Variants in GPC5 observed in about 807,000 individuals in gnomAD.
GPC5 encodes glypican-5.
A neutral mutation model predicts 53.9 loss-of-function variants in GPC5; 47 were observed. That is an observed-to-expected ratio of 0.87 (90% CI 0.69 to 1.11). The LOEUF (loss-of-function observed/expected upper bound fraction) is 1.11. GPC5 is among the 50% of genes most tolerant of loss of function. GPC5 has a pLI of 0.00. For synonymous variants in GPC5, 286 were observed against 263.3 expected (o/e 1.09, Z -0.84); for missense variants, 748 against 713.1 (o/e 1.05, Z -0.56).
At chr13:92,806,122 T>C (rs1245130263) in intron 7 of GPC5, among the ~76,000 whole-genome samples, 1 of 152,134 alleles carries the variant, frequency 6.6e-6, no homozygotes, top group Admixed American at 6.6e-5. Flanking sequence ...AAAAATAGCT[T>C]GATCTTCTAG....
At chr13:91,923,376 C>G (rs1445654187) in intron 6 of GPC5, among the ~76,000 whole-genome samples, 1 of 152,108 alleles carries the variant, frequency 6.6e-6, no homozygotes, top group Non-Finnish European at 1.5e-5. Flanking sequence ...AACCAGATGG[C>G]CCCCTATAGT....
At chr13:92,263,900 C>G (rs1414045232) in intron 7 of GPC5, among the ~76,000 whole-genome samples, 1 of 152,052 alleles carries the variant, frequency 6.6e-6, no homozygotes, top group East Asian at 1.9e-4. Flanking sequence ...TTAGGAATTG[C>G]TGCGATAATT....
intron 2 of GPC5, among the ~76,000 whole-genome samples, chr13:91,480,204 G>A (rs760977960): frequency 4.6e-5 from 7 of 152,194 alleles, no homozygotes; most frequent in Admixed American, 3.9e-4. Context: ...GCTGTAAAAT[G>A]TATGTTGTAT....
intron 7 of GPC5, among the ~76,000 whole-genome samples, chr13:92,828,276 T>C (rs570113824): frequency 1.3e-5 from 2 of 152,208 alleles, no homozygotes; most frequent in Admixed American, 1.3e-4. Flanking sequence ...CATGGTGGTG[T>C]GCCTTAAACA....
intron 7 of GPC5, among the ~76,000 whole-genome samples, chr13:92,795,067 G>A (rs1053138790): frequency 3.3e-5 from 5 of 151,964 alleles, no homozygotes; most frequent in Non-Finnish European, 7.4e-5. Context: ...AAAAGAGCCC[G>A]CATAGCCAAG....
chr13:92,750,728 A>C (rs1238692395), intron 7 of GPC5, among the ~76,000 whole-genome samples: 3 of 152,194 alleles, frequency 2.0e-5, no homozygotes, highest in Non-Finnish European at 4.4e-5. Context: ...TTAATTCTTA[A>C]ATTCAGTTCA....
chr13:92,585,018 G>T (rs948557661), intron 7 of GPC5, among the ~76,000 whole-genome samples: 1 of 152,112 alleles, frequency 6.6e-6, no homozygotes, highest in Non-Finnish European at 1.5e-5. Context: ...TGGTGGAGGG[G>T]GTAAGGGGGG....
intron 6 of GPC5, among the ~76,000 whole-genome samples, chr13:91,969,854 C>T (rs2040224277): frequency 6.6e-6 from 1 of 151,648 alleles, no homozygotes; most frequent in Non-Finnish European, 1.5e-5. Flanking sequence ...TACAAAAAAA[C>T]AAAAAAAGGA....
At chr13:91,736,404 G>A (rs528047165) in intron 4 of GPC5, among the ~76,000 whole-genome samples, 21 of 151,036 alleles carry the variant, frequency 1.4e-4, no homozygotes, top group African/African-American at 2.7e-4. Context: ...CAAAATTTTC[G>A]TGAAAGCTAA....
intron 7 of GPC5, among the ~76,000 whole-genome samples, chr13:92,586,698 T>TTTCC (rs1177271845): frequency 9.6e-4 from 146 of 152,254 alleles, no homozygotes; most frequent in Middle Eastern, 3.4e-3. Flanking sequence ...TGGTTGTGAA[T>TTTCC]ATGACACAGT....
At chr13:92,704,936 T>G (rs1173458754) in intron 7 of GPC5, among the ~76,000 whole-genome samples, 1 of 141,434 alleles carries the variant, frequency 7.1e-6, no homozygotes, top group Admixed American at 7.5e-5. Flanking sequence ...TATATATACT[T>G]GAATACATGT....
intron 6 of GPC5, among the ~76,000 whole-genome samples, chr13:91,977,257 T>A (rs1265360861): frequency 6.6e-6 from 1 of 152,172 alleles, no homozygotes; most frequent in Non-Finnish European, 1.5e-5. Flanking sequence ...CTATATATTG[T>A]ACTATTTTCT....
At chr13:91,892,620 A>G (rs1042964950) in intron 5 of GPC5, among the ~76,000 whole-genome samples, 5 of 151,750 alleles carry the variant, frequency 3.3e-5, no homozygotes, top group South Asian at 2.1e-4. Context: ...TATTTTGTAG[A>G]TAAAAATTAT....
At chr13:91,612,326 T>C (rs2033577132) in intron 2 of GPC5, among the ~76,000 whole-genome samples, 1 of 152,180 alleles carries the variant, frequency 6.6e-6, no homozygotes, top group Non-Finnish European at 1.5e-5. Context: ...CCTGCCATCA[T>C]CAGTGGTTGG....
chr13:92,149,641 G>A (rs895584885), intron 7 of GPC5, among the ~76,000 whole-genome samples: 14 of 151,948 alleles, frequency 9.2e-5, no homozygotes, highest in South Asian at 2.1e-4. Flanking sequence ...TTTACTAGCC[G>A]CTGAAGAATA....
intron 5 of GPC5, among the ~76,000 whole-genome samples, chr13:91,811,643 AT>A (rs35723094): frequency 0.61 from 92,475 of 151,910 alleles, 28,657 homozygotes; most frequent in East Asian, 0.95. Flanking sequence ...TATTTAGAGT[AT>A]TTTTTGAGAG....
At chr13:92,679,882 C>T (rs754733228) in intron 7 of GPC5, among the ~76,000 whole-genome samples, 7 of 135,838 alleles carry the variant, frequency 5.2e-5, no homozygotes, top group Non-Finnish European at 4.7e-5. Flanking sequence ...CCTCTCTCCA[C>T]CCCCCCACCC....
At chr13:92,283,128 G>T (rs1221158858) in intron 7 of GPC5, among the ~76,000 whole-genome samples, 1 of 152,054 alleles carries the variant, frequency 6.6e-6, no homozygotes, top group Non-Finnish European at 1.5e-5. Flanking sequence ...ACCAATAAAG[G>T]TCAAAAGAGA....
Position 92,795,559 on chromosome 13 carries a change from C to T in GPC5, c.1562-70723C>T, listed in dbSNP as rs144475999. ...GGGATCTAATTAAAGAATTTCTGCA[C>T]GGCAAAAGAAACTACCATCAGAGTG... On this transcript the variant is annotated intron_variant, in intron 7 of 7. Coordinates refer to ENST00000377067, the MANE Select transcript of GPC5 (RefSeq NM_004466.6). Among the ~76,000 whole-genome samples, 466 of 152,216 alleles carry T rather than the reference C, an allele frequency of 3.1e-3. 3 individuals carry two copies. The highest frequency in any genetic ancestry group is 0.01 in the African/African-American group (425 of 41,550).
Sources: gnomAD v4.1 joint callset for allele counts (sites outside exome capture counted in the v4.1 genomes callset) on GRCh38, gnomAD v4.1.1 for gene constraint, MANE v1.5 for transcripts, NCBI Gene and HGNC (gene_info 2026-07-23, HGNC 2026-07-21) for gene names.